Variants in CDH13 observed in about 807,000 individuals in gnomAD.
The protein encoded by CDH13 is cadherin-13.
CDH13 carries 24 observed loss-of-function variants against 63.8 expected under a neutral mutation model. That is an observed-to-expected ratio of 0.38 (90% CI 0.27 to 0.53). CDH13 has a LOEUF of 0.53. Among genes scored for constraint, CDH13 ranks in the 20% least tolerant of loss-of-function variants. The pLI, the probability that CDH13 is intolerant of heterozygous loss-of-function variation, is 0.85. For missense variants in CDH13, 1,049 were observed against 903.1 expected (o/e 1.16, Z -2.07); for synonymous variants, 503 against 355.3 (o/e 1.42, Z -4.67).
chr16:83,429,181 G>C (rs2072011372), intron 6 of CDH13, among the ~76,000 whole-genome samples: 1 of 152,220 alleles, frequency 6.6e-6, no homozygotes, highest in South Asian at 2.1e-4. Context: ...ATCTGAACAA[G>C]CCATAGCATT....
chr16:82,988,059 A>G (rs1374253040), intron 2 of CDH13, among the ~76,000 whole-genome samples: 1 of 152,196 alleles, frequency 6.6e-6, no homozygotes, highest in Non-Finnish European at 1.5e-5. Context: ...AAGCACGGCT[A>G]TGTTTTTACA....
At chr16:82,724,093 T>G (rs2032946909) in intron 1 of CDH13, among the ~76,000 whole-genome samples, 1 of 152,216 alleles carries the variant, frequency 6.6e-6, no homozygotes, top group South Asian at 2.1e-4. Context: ...CCTGATCCTT[T>G]AGGCCTTGTG....
intron 6 of CDH13, among the ~76,000 whole-genome samples, chr16:83,468,697 C>T (rs1340677210): frequency 6.6e-6 from 1 of 152,198 alleles, no homozygotes; most frequent in Admixed American, 6.5e-5. Flanking sequence ...TTCACCGCCT[C>T]TCCTTCCCTT....
intron 8 of CDH13, among the ~76,000 whole-genome samples, chr16:83,608,662 T>G (rs908090795): frequency 7.7e-6 from 1 of 129,342 alleles, no homozygotes; most frequent in African/African-American, 3.7e-5. Context: ...ATTTTTGTAT[T>G]TTTTTTTTTT....
At chr16:83,431,175 C>T (rs910242876) in intron 6 of CDH13, among the ~76,000 whole-genome samples, 2 of 151,780 alleles carry the variant, frequency 1.3e-5, no homozygotes, top group Non-Finnish European at 2.9e-5. Context: ...GCATAGTATT[C>T]CATGGTGTAT....
intron 6 of CDH13, among the ~76,000 whole-genome samples, chr16:83,416,771 A>G (rs2071561750): frequency 6.6e-6 from 1 of 152,188 alleles, no homozygotes; most frequent in African/African-American, 2.4e-5. Flanking sequence ...TCTGAGATTC[A>G]AATCCTGGCT....
intron 1 of CDH13, among the ~76,000 whole-genome samples, chr16:82,735,929 C>T (rs114436159): frequency 1.5e-4 from 23 of 152,292 alleles, no homozygotes; most frequent in South Asian, 8.3e-4. Context: ...ACGAGAAAAA[C>T]CAGACGCTAT....
chr16:82,879,363 G>C (rs1047091662), intron 2 of CDH13, among the ~76,000 whole-genome samples: 1 of 151,334 alleles, frequency 6.6e-6, no homozygotes, highest in Non-Finnish European at 1.5e-5. Context: ...ATCCATTAAT[G>C]TCATCTGATC....
chr16:83,192,837 A>T (rs185221507), intron 4 of CDH13, among the ~76,000 whole-genome samples: 33 of 152,122 alleles, frequency 2.2e-4, no homozygotes, highest in Admixed American at 6.5e-4. Flanking sequence ...GGCCATTGCA[A>T]TCGACTCGGG....
chr16:83,246,954 TCTCTA>T, intron 5 of CDH13, among the ~76,000 whole-genome samples: 1 of 152,328 alleles, frequency 6.6e-6, no homozygotes, highest in African/African-American at 2.4e-5. Context: ...TGCGTATCCA[TCTCTA>T]CTGAGGAACT....
Position 83,783,255 on chromosome 16 carries a change from T to C in CDH13, c.1917T>C (p.Asn639=). ...DKVWKISKIN[N]THALVSLLQN... ...CCAGAACCCTCCTTGCCTTTACAGA[T>C]ACACACGCCCTGGTAAGCCTTCTTC... The change falls in exon 13 of 14, where the codon AAT becomes AAC. Residue 639 remains asparagine, a splice_region_variant and synonymous_variant. Coordinates refer to ENST00000567109, the MANE Select transcript of CDH13 (RefSeq NM_001257.5). 1 of 1,611,958 alleles carries C rather than the reference T, an allele frequency of 6.2e-7. No individual in the cohort carries two copies. The highest frequency in any genetic ancestry group is 8.5e-7 in the Non-Finnish European group (1 of 1,178,278).
At chr16:83,623,177 T>C (rs1019062055) in intron 8 of CDH13, among the ~76,000 whole-genome samples, 6 of 152,138 alleles carry the variant, frequency 3.9e-5, no homozygotes, top group African/African-American at 9.7e-5. Flanking sequence ...AAGAGCCCGG[T>C]TGAGGGGCTG....
chr16:83,384,414 G>T (rs538091791), intron 6 of CDH13, among the ~76,000 whole-genome samples: 1 of 152,146 alleles, frequency 6.6e-6, no homozygotes, highest in Non-Finnish European at 1.5e-5. Flanking sequence ...ATAGACTACC[G>T]AGGCGAATTT....
intron 7 of CDH13, among the ~76,000 whole-genome samples, chr16:83,574,015 G>T (rs1056972171): frequency 2.0e-5 from 3 of 152,022 alleles, no homozygotes; most frequent in African/African-American, 7.2e-5. Context: ...AGGTATAAAG[G>T]TATCTCCAAG....
chr16:83,068,956 TAG>T lies in CDH13; in HGVS notation c.366+36740_366+36741del, dbSNP rs571441143. Reference sequence around the variant, plus strand: ...TAAGAATGTTTTCACTATGAAGGTTTAGAAGGTTTGCTGTTGAGGCAAAAGTT... The same window carrying T: ...TAAGAATGTTTTCACTATGAAGGTTTAAGGTTTGCTGTTGAGGCAAAAGTT... On this transcript the variant is annotated intron_variant, in intron 3 of 13. Transcript: ENST00000567109. Among the ~76,000 whole-genome samples the T allele has an allele frequency of 1.1e-3, 165 of 152,292 alleles. 2 individuals are homozygous for T. Among genetic ancestry groups the T allele is most frequent in the African/African-American group, 3.7e-3 (154 of 41,564 alleles).
intron 2 of CDH13, among the ~76,000 whole-genome samples, chr16:82,991,351 A>T (rs575690847): frequency 1.3e-5 from 2 of 152,326 alleles, no homozygotes; most frequent in African/African-American, 4.8e-5. Context: ...ATATCTTAAT[A>T]TGCCTTCCTC....
At chr16:82,915,638 A>G (rs2041963220) in intron 2 of CDH13, among the ~76,000 whole-genome samples, 1 of 151,860 alleles carries the variant, frequency 6.6e-6, no homozygotes, top group Non-Finnish European at 1.5e-5. Context: ...GCATGTCCCA[A>G]GGGCTGTGGT....
At chr16:83,388,227 G>A (rs2091714231) in intron 6 of CDH13, among the ~76,000 whole-genome samples, 1 of 151,218 alleles carries the variant, frequency 6.6e-6, no homozygotes, top group Non-Finnish European at 1.5e-5. Context: ...GCAAAAGCAG[G>A]CTTAAGTCCA....
intron 5 of CDH13, among the ~76,000 whole-genome samples, chr16:83,322,972 A>G (rs1364347390): frequency 6.6e-6 from 1 of 152,076 alleles, no homozygotes; most frequent in African/African-American, 2.4e-5. Flanking sequence ...CATGGAACAT[A>G]CTACTCTGAA....
Sources: gnomAD v4.1 joint callset for allele counts (sites outside exome capture counted in the v4.1 genomes callset) on GRCh38, gnomAD v4.1.1 for gene constraint, MANE v1.5 for transcripts, NCBI Gene and HGNC (gene_info 2026-07-23, HGNC 2026-07-21) for gene names.